SPANXN5: variants seen among roughly 807,000 people sequenced by gnomAD.
SPANXN5 encodes the protein SPANX family member N5.
Under a neutral mutation model 4.5 loss-of-function variants are expected in SPANXN5, and 5 were observed. The observed-to-expected ratio is 1.11, with a 90% CI of 0.58 to 2.33. The LOEUF (loss-of-function observed/expected upper bound fraction) is 2.33. SPANXN5 is among the 30% of genes most tolerant of loss of function. SPANXN5 has a pLI of 0.01. For missense variants in SPANXN5, 41 were observed against 50.3 expected (o/e 0.82, Z 0.56); for synonymous variants, 20 against 20.4 (o/e 0.98, Z 0.05).
intron 1 of SPANXN5, 130 bp from the exon 2 acceptor site, chrX:52,796,761 G>A (rs1601997145): frequency 1.3e-5 from 12 of 929,678 alleles, no homozygotes; most frequent in Non-Finnish European, 1.7e-5. Context: ...GAAGAACAAG[G>A]TTGACTCACA....
chrX:52,796,637 A>C lies in SPANXN5; in HGVS notation c.76-6T>G, dbSNP rs1556775750. 1 of 1,211,222 alleles carries C rather than the reference A, an allele frequency of 8.3e-7. No homozygotes were observed. Among genetic ancestry groups the C allele is most frequent in the African/African-American group, 1.7e-5 (1 of 57,816 alleles). ...CTGTTTGGTGTCTCCTGCATCTGTT[A>C]AGAAAACAGGGAGAGGCCAGAAAGA... On this transcript the variant is annotated splice_polypyrimidine_tract_variant and splice_region_variant and intron_variant, in intron 1 of 1. Coordinates refer to ENST00000375511, the MANE Select transcript of SPANXN5 (RefSeq NM_001009616.4).
chrX:52,796,412 C>A lies in SPANXN5; in HGVS notation c.*76G>T, dbSNP rs981700706. 2 of 1,153,605 alleles carry A rather than the reference C, an allele frequency of 1.7e-6. No homozygotes were observed. The highest frequency in any genetic ancestry group is 2.3e-6 in the Non-Finnish European group (2 of 856,695). On this transcript the variant is annotated 3_prime_UTR_variant, in exon 2 of 2. Transcript: ENST00000375511. ...TCTTCATCCTGCTTTGAAGATTCTG[C>A]AGATGAGTCTAGGTCTTCGTCCTCC...
Position 52,796,494 on chromosome X carries a change from C to A in SPANXN5, c.213G>T (p.Gln71His), listed in dbSNP as rs781853183. Reference sequence around the variant, plus strand: ...CTGGATTGATGGAGTTCTCTCAGGACTGGTCATTCTCGAGTTGATTTGAAT... The same window carrying A: ...CTGGATTGATGGAGTTCTCTCAGGAATGGTCATTCTCGAGTTGATTTGAAT... ...KIHSNQLENDQS is the reference protein window; with the variant it reads ...KIHSNQLENDHS Residue 71 changes from glutamine (Q) to histidine (H), a missense_variant, in exon 2 of 2, where the codon CAG becomes CAT. Transcript: ENST00000375511. 3 of 1,210,119 alleles carry A rather than the reference C, an allele frequency of 2.5e-6. No homozygotes were observed. The South Asian group carries it at 5.3e-5, about 21-fold the overall frequency.
At position 52,796,223 on chromosome X, in the gene SPANXN5, A is replaced by T; in HGVS notation, c.*265T>A. 2.8e-6 allele frequency: 1 copy of T among 360,683 alleles called. No homozygotes were observed. Among genetic ancestry groups the T allele is most frequent in the South Asian group, 5.7e-5 (1 of 17,693 alleles). The allele number at this position is 360,683 out of a possible 1,213,427, so 29.7% of individuals were successfully genotyped here. A position where few individuals can be genotyped will look rare whatever the true frequency, so the allele number is the denominator to read the frequency against. ...GTCCAATTTGGTTTCTCCATGTTTA[A>T]TTAGTCTTCCTCACCCTCCTCTGAC... On this transcript the variant is annotated 3_prime_UTR_variant, in exon 2 of 2. Transcript: ENST00000375511.
At chrX:52,796,704 G>A in intron 1 of SPANXN5, 73 bp from the exon 2 acceptor site, 1 of 1,171,078 alleles carries the variant, frequency 8.5e-7, no homozygotes, top group East Asian at 3.0e-5. Flanking sequence ...ATAGCAAGGG[G>A]GGCTTTATGA....
At chrX:52,797,224 G>A (rs781910008) in intron 1 of SPANXN5, 50 bp downstream of exon 1, 1 of 1,168,183 alleles carries the variant, frequency 8.6e-7, no homozygotes, top group East Asian at 3.0e-5. Flanking sequence ...CCCCCTCTCT[G>A]TGTGTCTTTC....
chrX:52,796,899 G>A (rs1285768905), intron 1 of SPANXN5, among the ~76,000 whole-genome samples: 3 of 111,437 alleles, frequency 2.7e-5, no homozygotes, highest in African/African-American at 9.8e-5. Context: ...TGGGGGTTCA[G>A]GCCGTGAGAA....
rs1482424398 is a variant in SPANXN5 at position 52,796,375 on chromosome X, G to A, written c.*113C>T. 1 of 1,021,741 alleles carries A rather than the reference G, an allele frequency of 9.8e-7. No homozygotes were observed. The highest frequency in any genetic ancestry group is 1.3e-6 in the Non-Finnish European group (1 of 746,205). The allele number at this position is 1,021,741 out of a possible 1,213,427, so 84.2% of individuals were successfully genotyped here. On this transcript the variant is annotated 3_prime_UTR_variant, in exon 2 of 2. Transcript: ENST00000375511. The stretch of plus-strand genomic sequence containing the variant: ...TTCATCCTCCTGTGAAGATCCTTCA[G>A]GTAATTGTAGGTCTTCATCCTGCTT...
chrX:52,796,432 T>C lies in SPANXN5; in HGVS notation c.*56A>G, dbSNP rs1375821622. The C allele has an allele frequency of 8.4e-7, 1 of 1,187,468 alleles. No individual in the cohort carries two copies. Among genetic ancestry groups the C allele is most frequent in the Non-Finnish European group, 1.1e-6 (1 of 881,895 alleles). On this transcript the variant is annotated 3_prime_UTR_variant, in exon 2 of 2. Transcript: ENST00000375511. ...TTCTGCAGATGAGTCTAGGTCTTCGTCCTCCTGTGAGGATCCTTCGTCCTC... is the reference window on the plus strand; with the variant it reads ...TTCTGCAGATGAGTCTAGGTCTTCGCCCTCCTGTGAGGATCCTTCGTCCTC...
chrX:52,797,252 C>T (rs1926587869), intron 1 of SPANXN5, 22 bp downstream of exon 1: 2 of 1,206,081 alleles, frequency 1.7e-6, no homozygotes, highest in Non-Finnish European at 2.2e-6. Context: ...CTCGCCTTCA[C>T]TTCAAAACCT....
At position 52,796,550 on chromosome X, in the gene SPANXN5, C is replaced by G; in HGVS notation, c.157G>C (p.Val53Leu). 9.9e-6 allele frequency: 12 copies of G among 1,211,305 alleles called. No homozygotes were observed. Among genetic ancestry groups the G allele is most frequent in the Non-Finnish European group, 1.3e-5 (12 of 894,976 alleles). The change falls in exon 2 of 2, where the codon GTG becomes CTG. Residue 53 changes from valine to leucine, a missense_variant. Transcript: ENST00000375511. The part of the protein sequence containing the change: ...MKTSEYSTVL[V>L]LCYRKTKKIH... ...TTCTTAGTCTTCCTGTAGCACAACA[C>G]TAATACTGTTGAATATTCTGATGTT...
rs1926565131 is a variant in SPANXN5 at position 52,796,242 on chromosome X, C to T, written c.*246G>A. ...TGTTTAATTAGTCTTCCTCACCCTC[C>T]TCTGACGATCCTTCAGATGAGTCTG... On this transcript the variant is annotated 3_prime_UTR_variant, in exon 2 of 2. Coordinates refer to ENST00000375511, the MANE Select transcript of SPANXN5 (RefSeq NM_001009616.4). 4 of 417,551 alleles carry T rather than the reference C, an allele frequency of 9.6e-6. No homozygotes were observed. The highest frequency in any genetic ancestry group is 1.7e-5 in the Non-Finnish European group (4 of 237,539). The allele number at this position is 417,551 out of a possible 1,213,427, so 34.4% of individuals were successfully genotyped here. A position where few individuals can be genotyped will look rare whatever the true frequency, so the allele number is the denominator to read the frequency against.
Position 52,797,399 on chromosome X carries a change from C to T in SPANXN5, c.-51G>A. On this transcript the variant is annotated 5_prime_UTR_variant, in exon 1 of 2. Coordinates refer to ENST00000375511, the MANE Select transcript of SPANXN5 (RefSeq NM_001009616.4). ...ACAGCAGGATCTTGTAGAGTCCAGA[C>T]TTCCACAGCTATATTGAAGCTTCCC... The T allele has an allele frequency of 8.7e-7, 1 of 1,154,395 alleles. No individual in the cohort carries two copies. The highest frequency in any genetic ancestry group is 1.2e-6 in the Non-Finnish European group (1 of 845,601).
intron 1 of SPANXN5, 57 bp downstream of exon 1, chrX:52,797,217 C>T (rs1436253987): frequency 9.5e-6 from 11 of 1,156,402 alleles, no homozygotes; most frequent in Middle Eastern, 4.8e-4. Context: ...TGAGCTGCCC[C>T]CTCTCTGTGT....
At position 52,797,285 on chromosome X, in the gene SPANXN5, T is replaced by C. The variant is rs1465151969; in HGVS notation, c.64A>G (p.Lys22Glu). 1 of 1,211,273 alleles carries C rather than the reference T, an allele frequency of 8.3e-7. No homozygotes were observed. Among genetic ancestry groups the C allele is most frequent in the Non-Finnish European group, 1.1e-6 (1 of 895,180 alleles). The change falls in exon 1 of 2, where the codon AAA becomes GAA. Residue 22 changes from lysine to glutamate, a missense_variant. Lys to Glu is a moderately conservative substitution (Grantham distance 56, BLOSUM62 1). Coordinates refer to ENST00000375511, the MANE Select transcript of SPANXN5 (RefSeq NM_001009616.4). ...CCTAACAATCTTACCTCATCATTTT[T>C]GCTGTTGGAGTCACAGGGGCTCTTC... ...KRKSPCDSNSKNDEMQETPNR... is the reference protein window; with the variant it reads ...KRKSPCDSNSENDEMQETPNR...
intron 1 of SPANXN5, among the ~76,000 whole-genome samples, chrX:52,797,011 A>G (rs1926582880): frequency 9.0e-6 from 1 of 111,338 alleles, no homozygotes; most frequent in Admixed American, 9.6e-5. Flanking sequence ...CACCACAACG[A>G]TATTCCACCA....
intron 1 of SPANXN5, 112 bp downstream of exon 1, chrX:52,797,162 G>A (rs1450903448): frequency 1.2e-6 from 1 of 859,292 alleles, no homozygotes; most frequent in African/African-American, 2.0e-5. Context: ...CATTAAGCTG[G>A]TCCCCCACTT....
At position 52,796,543 on chromosome X, in the gene SPANXN5, CACA is replaced by C. The variant is rs1348789070; in HGVS notation, c.161_163del (p.Leu54del). ...ATGTATTTTCTTAGTCTTCCTGTAG[CACA>C]ACACTAATACTGTTGAATATTCTGA... On this transcript the variant is annotated inframe_deletion, in exon 2 of 2. Transcript: ENST00000375511. 8.3e-7 allele frequency: 1 copy of C among 1,211,289 alleles called. No homozygotes were observed. Among genetic ancestry groups the C allele is most frequent in the Admixed American group, 2.2e-5 (1 of 46,021 alleles).
Position 52,796,407 on chromosome X carries a change from T to G in SPANXN5, c.*81A>C. On this transcript the variant is annotated 3_prime_UTR_variant, in exon 2 of 2. Transcript: ENST00000375511. ...GTAGGTCTTCATCCTGCTTTGAAGA[T>G]TCTGCAGATGAGTCTAGGTCTTCGT... 1 of 1,144,448 alleles carries G rather than the reference T, an allele frequency of 8.7e-7. No homozygotes were observed. 94.3% of individuals were successfully genotyped at this position (1,144,448 alleles called of 1,213,427 possible).
Sources: allele counts gnomAD v4.1 joint callset (sites outside exome capture counted in the v4.1 genomes callset), GRCh38; gene constraint gnomAD v4.1.1; transcripts MANE v1.5; gene names NCBI Gene and HGNC (gene_info 2026-07-23, HGNC 2026-07-21).